REG1A: variants seen among roughly 807,000 people sequenced by gnomAD.
The protein encoded by REG1A is lithostathine-1-alpha.
REG1A carries 20 observed loss-of-function variants against 20.7 expected under a neutral mutation model. The ratio of observed to expected loss-of-function variants is 0.97; its 90% confidence interval spans 0.68 to 1.41. REG1A has a LOEUF of 1.41. Ranked by LOEUF, REG1A falls within the 40% of genes most tolerant of loss-of-function variation. The pLI is 0.00. For missense variants in REG1A, 193 were observed against 201.8 expected (o/e 0.96, Z 0.26); for synonymous variants, 90 against 71.6 (o/e 1.26, Z -1.30).
In REG1A at chr2:79,122,880, T is replaced by C. The variant is rs1672907678; in HGVS notation, c.361T>C (p.Tyr121His). 2 of 1,613,782 alleles carry C rather than the reference T, an allele frequency of 1.2e-6. No homozygotes were observed. Among genetic ancestry groups the C allele is most frequent in the Non-Finnish European group, 1.7e-6 (2 of 1,180,004 alleles). ...CTGGAGCAGTGGGTCCCTGGTCTCC[T>C]ACAAGTCCTGGGGCATTGGAGCCCC... ...WHWSSGSLVS[Y>H]KSWGIGAPSS... The change falls in exon 5 of 6, where the codon TAC becomes CAC. Residue 121 changes from tyrosine to histidine, a missense_variant. By Grantham distance (83) the Tyr-to-His change is moderately conservative. Transcript: ENST00000233735.
intron 1 of REG1A, 30 bp from the exon 2 acceptor site, chr2:79,120,786 C>A: frequency 8.3e-7 from 1 of 1,199,606 alleles, no homozygotes; most frequent in Non-Finnish European, 1.2e-6. Flanking sequence ...CTCCATCTCT[C>A]AGAACCCCCT....
rs117580393 is a variant in REG1A, at chr2:79,120,826, T to G, written c.-36T>G. The G allele has an allele frequency of 2.2e-4, 343 of 1,566,894 alleles. 1 individual carries two copies. In the East Asian group the frequency reaches 7.0e-3, roughly 32 times the overall value. ...TGTGTTCTCCTATAGAGATTGTTGA[T>G]TTGCCTCTTAAGCAAGAGATTCATT... is the stretch of plus-strand genomic sequence containing the variant. On this transcript the variant is annotated 5_prime_UTR_variant, in exon 2 of 6. Coordinates refer to ENST00000233735, the MANE Select transcript of REG1A (RefSeq NM_002909.5).
intron 3 of REG1A, 110 bp downstream of exon 3, chr2:79,121,790 C>A: frequency 7.5e-7 from 1 of 1,325,702 alleles, no homozygotes; most frequent in Non-Finnish European, 1.1e-6. Context: ...CCTTGCTATA[C>A]TATCATCAGC....
chr2:79,120,883 T>C lies in REG1A; in HGVS notation c.22T>C (p.Phe8Leu), dbSNP rs769934517. Residue 8 changes from phenylalanine (F) to leucine (L), a missense_variant, in exon 2 of 6, where the codon TTC becomes CTC. Physicochemically the swap from Phe to Leu is conservative, Grantham distance 22. Coordinates refer to ENST00000233735, the MANE Select transcript of REG1A (RefSeq NM_002909.5). Reference sequence around the variant, plus strand: ...CAGCATGGCTCAGACCAGCTCATACTTCATGCTGATCTCCTGCCTGATGTT... The same window carrying C: ...CAGCATGGCTCAGACCAGCTCATACCTCATGCTGATCTCCTGCCTGATGTT... MAQTSSY[F>L]MLISCLMFLS... The C allele has an allele frequency of 6.2e-7, 1 of 1,613,612 alleles. No homozygotes were observed. The highest frequency in any genetic ancestry group is 8.5e-7 in the Non-Finnish European group (1 of 1,179,736).
intron 2 of REG1A, 58 bp from the exon 3 acceptor site, chr2:79,121,504 C>A: frequency 7.2e-7 from 1 of 1,391,274 alleles, no homozygotes; most frequent in Non-Finnish European, 1.0e-6. Context: ...GCTCTTACCT[C>A]ACCTTCAAGC....
At chr2:79,123,068 GT>G (rs1360694156) in intron 5 of REG1A, 79 bp from the exon 6 acceptor site, 1 of 1,452,900 alleles carries the variant, frequency 6.9e-7, no homozygotes, top group Non-Finnish European at 9.6e-7. Context: ...TGGATGTTTG[GT>G]TTTTGTCCTG....
chr2:79,122,370 T>G (rs948585292), intron 4 of REG1A, among the ~76,000 whole-genome samples: 1 of 152,204 alleles, frequency 6.6e-6, no homozygotes, highest in African/African-American at 2.4e-5. Context: ...ACAAAGCATC[T>G]TTATGCACCA....
At chr2:79,121,094 C>T (rs961979184) in intron 2 of REG1A, among the ~76,000 whole-genome samples, 169 bp downstream of exon 2, 1 of 151,756 alleles carries the variant, frequency 6.6e-6, no homozygotes, top group Non-Finnish European at 1.5e-5. Flanking sequence ...TATATACATC[C>T]ACACCTCATT....
intron 4 of REG1A, among the ~76,000 whole-genome samples, chr2:79,122,451 C>T (rs1672901794): frequency 6.6e-6 from 1 of 152,092 alleles, no homozygotes; most frequent in Non-Finnish European, 1.5e-5. Flanking sequence ...GGAAAGGAGA[C>T]TTGTGGTAAA....
intron 4 of REG1A, 110 bp downstream of exon 4, chr2:79,122,235 T>A: frequency 8.4e-7 from 1 of 1,191,894 alleles, no homozygotes; most frequent in Non-Finnish European, 1.2e-6. Context: ...GAAATCAGGC[T>A]GTTTACAGAT....
rs1257242584 is a variant in REG1A, at chr2:79,122,768, T to C, written c.322-73T>C. 4 of 959,972 alleles carry C rather than the reference T, an allele frequency of 4.2e-6. No individual in the cohort carries two copies. The Admixed American group carries it at 7.3e-5, about 17-fold the overall frequency. 59.5% of individuals were successfully genotyped at this position (959,972 alleles called of 1,614,324 possible). Reference sequence around the variant, plus strand: ...CTTTGTGTCTTAGCATGTTTCTGAGTGTGCACACAGGCCCAGTGATTCCAT... The same window carrying C: ...CTTTGTGTCTTAGCATGTTTCTGAGCGTGCACACAGGCCCAGTGATTCCAT... On this transcript the variant is annotated intron_variant, in intron 4 of 5. Transcript: ENST00000233735.
Position 79,121,011 on chromosome 2 carries a change from A to C in REG1A, c.64+86A>C, listed in dbSNP as rs1672875595. 11 of 1,089,406 alleles carry C rather than the reference A, an allele frequency of 1.0e-5. No homozygotes were observed. The East Asian group carries it at 2.6e-4, about 26-fold the overall frequency. The allele number at this position is 1,089,406 out of a possible 1,614,324, so 67.5% of individuals were successfully genotyped here. On this transcript the variant is annotated intron_variant, in intron 2 of 5. Transcript: ENST00000233735. ...AGCATACGGGTCTACTTGAAAAAAA[A>C]AAAAAAAGCAGAGTCACTGTTAAGG...
chr2:79,120,718 C>T, intron 1 of REG1A, 98 bp from the exon 2 acceptor site: 1 of 517,324 alleles, frequency 1.9e-6, no homozygotes, highest in East Asian at 3.2e-5. Flanking sequence ...CTCAGAGGAC[C>T]TTCCTGGTCT....
Position 79,120,861 on chromosome 2 carries a change from C to A in REG1A, c.-1C>A. On this transcript the variant is annotated 5_prime_UTR_variant, in exon 2 of 6. Transcript: ENST00000233735. The stretch of plus-strand genomic sequence containing the variant: ...AAGCAAGAGATTCATTGCAGCTCAG[C>A]ATGGCTCAGACCAGCTCATACTTCA... 1 of 1,608,636 alleles carries A rather than the reference C, an allele frequency of 6.2e-7. No individual in the cohort carries two copies. The highest frequency in any genetic ancestry group is 8.5e-7 in the Non-Finnish European group (1 of 1,176,362).
intron 2 of REG1A, 76 bp from the exon 3 acceptor site, chr2:79,121,485 AC>A: frequency 1.1e-5 from 12 of 1,128,426 alleles, no homozygotes; most frequent in Non-Finnish European, 1.6e-5. Context: ...CTATAAAGGA[AC>A]CTCAGAAGCT....
At chr2:79,121,434 T>C (rs1043892305) in intron 2 of REG1A, 128 bp from the exon 3 acceptor site, 2 of 748,552 alleles carry the variant, frequency 2.7e-6, no homozygotes. Flanking sequence ...GCAGGAGCAA[T>C]AGTGAGCAGT....
chr2:79,122,570 G>A (rs1672903686), intron 4 of REG1A, among the ~76,000 whole-genome samples: 1 of 151,880 alleles, frequency 6.6e-6, no homozygotes, highest in Non-Finnish European at 1.5e-5. Context: ...AGGGTCCTGG[G>A]CCACAAAGAC....
chr2:79,122,941 C>A lies in REG1A; in HGVS notation c.422C>A (p.Thr141Asn). Residue 141 changes from threonine (T) to asparagine (N), a missense_variant, in exon 5 of 6, where the codon ACC becomes AAC. Transcript: ENST00000233735. ...AATCCTGGCTACTGTGTGAGCCTGACCTCAAGCACAGGTGAGAGGCAGAGA... is the reference window on the plus strand; with the variant it reads ...AATCCTGGCTACTGTGTGAGCCTGAACTCAAGCACAGGTGAGAGGCAGAGA... ...SVNPGYCVSL[T>N]SSTGFQKWKD... The A allele has an allele frequency of 1.2e-6, 2 of 1,613,308 alleles. No individual in the cohort carries two copies. Among genetic ancestry groups the A allele is most frequent in the South Asian group, 1.1e-5 (1 of 91,050 alleles).
chr2:79,121,234 G>A (rs1672881797), intron 2 of REG1A, among the ~76,000 whole-genome samples: 1 of 152,176 alleles, frequency 6.6e-6, no homozygotes, highest in Non-Finnish European at 1.5e-5. Context: ...CACTAATGGG[G>A]TGGAGAACTG....
Sources: allele counts gnomAD v4.1 joint callset (sites outside exome capture counted in the v4.1 genomes callset), GRCh38; gene constraint gnomAD v4.1.1; transcripts MANE v1.5; gene names NCBI Gene and HGNC (gene_info 2026-07-23, HGNC 2026-07-21).